The following DPP10 variants were observed in gnomAD, a reference collection of about 807,000 sequenced individuals.
The protein encoded by DPP10 is inactive dipeptidyl peptidase 10.
In DPP10, 33 loss-of-function variants were observed where a neutral mutation model predicts 120.9. That is an observed-to-expected ratio of 0.27 (90% CI 0.21 to 0.37). The LOEUF is 0.37. DPP10 is among the 10% of genes least tolerant of loss of function. The pLI is 1.00. For missense variants in DPP10, 816 were observed against 942.8 expected, an observed-to-expected ratio of 0.87 and a Z score of 1.76; for synonymous variants, 337 against 326.1, an observed-to-expected ratio of 1.03 and a Z score of -0.36.
At chr2:115,103,678 A>G (rs2048810771) in intron 1 of DPP10, among the ~76,000 whole-genome samples, 1 of 152,240 alleles carries the variant, frequency 6.6e-6, no homozygotes, top group African/African-American at 2.4e-5. Context: ...GTTACTCTTA[A>G]CTGCAAAAGA....
At chr2:114,938,246 A>C (rs186052878) in intron 1 of DPP10, among the ~76,000 whole-genome samples, 29 of 152,264 alleles carry the variant, frequency 1.9e-4, no homozygotes, top group African/African-American at 7.0e-4. Context: ...TATGTATTTT[A>C]CATGTTACTT....
intron 1 of DPP10, among the ~76,000 whole-genome samples, chr2:114,727,876 C>T (rs948514063): frequency 1.3e-5 from 2 of 152,160 alleles, no homozygotes; most frequent in Non-Finnish European, 2.9e-5. Context: ...TATTATCTGT[C>T]TATCACTGCG....
intron 2 of DPP10, among the ~76,000 whole-genome samples, chr2:115,337,101 T>C (rs189462210): frequency 4.7e-4 from 71 of 151,744 alleles, no homozygotes; most frequent in Middle Eastern, 6.8e-3. Context: ...GAGGGTAAGC[T>C]TGGAATTTAA....
chr2:114,693,032 G>C (rs540581795), intron 1 of DPP10, among the ~76,000 whole-genome samples: 1 of 151,838 alleles, frequency 6.6e-6, no homozygotes, highest in South Asian at 2.1e-4. Context: ...CATTTATCCA[G>C]CTTGCCTTTC....
intron 5 of DPP10, among the ~76,000 whole-genome samples, chr2:115,666,130 GA>G (rs2089435886): frequency 6.6e-6 from 1 of 152,086 alleles, no homozygotes; most frequent in Non-Finnish European, 1.5e-5. Flanking sequence ...TCATAAGTGA[GA>G]ACATCCAGTA....
intron 1 of DPP10, among the ~76,000 whole-genome samples, chr2:115,210,607 A>G (rs1405256474): frequency 6.6e-6 from 1 of 152,142 alleles, no homozygotes; most frequent in Non-Finnish European, 1.5e-5. Flanking sequence ...GTCTTCCACA[A>G]TGGTTGAACT....
At chr2:114,824,020 A>G (rs1291758748) in intron 1 of DPP10, among the ~76,000 whole-genome samples, 1 of 152,230 alleles carries the variant, frequency 6.6e-6, no homozygotes, top group Non-Finnish European at 1.5e-5. Context: ...TTGAAGATAA[A>G]GTCACATCTC....
intron 2 of DPP10, among the ~76,000 whole-genome samples, chr2:115,309,788 T>C (rs1489481178): frequency 6.6e-6 from 1 of 152,100 alleles, no homozygotes; most frequent in African/African-American, 2.4e-5. Context: ...AAGAGAGTGA[T>C]CTAAGCCTCT....
At chr2:115,144,127 T>C (rs1054560347) in intron 1 of DPP10, 3 of 152,220 alleles carry the variant, frequency 2.0e-5, no homozygotes, top group South Asian at 2.1e-4. Context: ...CTCACTCACT[T>C]ACTTGCAAGG....
intron 1 of DPP10, among the ~76,000 whole-genome samples, chr2:114,923,963 G>C (rs1202366327): frequency 6.6e-6 from 1 of 152,072 alleles, no homozygotes; most frequent in Non-Finnish European, 1.5e-5. Flanking sequence ...GACTCAAGCA[G>C]TCCTCCTCCC....
chr2:114,644,382 T>C lies in DPP10; in HGVS notation c.60+201544T>C, dbSNP rs1462159051. 2.0e-5 allele frequency among the ~76,000 whole-genome samples: 3 copies of C among 151,576 alleles called. No homozygotes were observed. The East Asian group carries it at 5.8e-4, about 29-fold the overall frequency. ...TGTGTGTGTCTGTGTGTGTGTGTAT[T>C]ATATATACAACTAGTAGGAAACCCC... On this transcript the variant is annotated intron_variant, in intron 1 of 25. Transcript: ENST00000410059.
intron 1 of DPP10, among the ~76,000 whole-genome samples, chr2:114,893,283 G>T (rs966539434): frequency 2.0e-5 from 3 of 152,218 alleles, no homozygotes; most frequent in African/African-American, 7.2e-5. Flanking sequence ...TCTATTATGA[G>T]TTAAATACTA....
At chr2:114,804,503 C>A (rs1469404055) in intron 1 of DPP10, among the ~76,000 whole-genome samples, 1 of 152,148 alleles carries the variant, frequency 6.6e-6, no homozygotes, top group Non-Finnish European at 1.5e-5. Flanking sequence ...GCAGGCAAAG[C>A]CACAGGGGTG....
At chr2:115,094,633 A>G (rs1709564735) in intron 1 of DPP10, among the ~76,000 whole-genome samples, 1 of 152,176 alleles carries the variant, frequency 6.6e-6, no homozygotes, top group African/African-American at 2.4e-5. Context: ...CAGTAGCTCC[A>G]TGAGTATTTA....
At chr2:114,861,453 T>C (rs1015448767) in intron 1 of DPP10, among the ~76,000 whole-genome samples, 1 of 152,186 alleles carries the variant, frequency 6.6e-6, no homozygotes, top group Non-Finnish European at 1.5e-5. Flanking sequence ...AAGTACCATA[T>C]ATTTTCTAAA....
intron 1 of DPP10, among the ~76,000 whole-genome samples, chr2:114,460,193 CTATCTATCTATCT>C (rs1678812972): frequency 6.6e-6 from 1 of 151,748 alleles, no homozygotes; most frequent in South Asian, 2.1e-4. Flanking sequence ...ATCTATCTAT[CTATCTATCTATCT>C]ATCTATCTAT....
rs993317595 is a variant in DPP10 at position 115,091,987 on chromosome 2, C to T, written c.61-217252C>T. 3.3e-5 allele frequency among the ~76,000 whole-genome samples: 5 copies of T among 152,264 alleles called. No individual in the cohort carries two copies. The South Asian group carries it at 6.2e-4, about 19-fold the overall frequency. The stretch of plus-strand genomic sequence containing the variant: ...ATACTATTACTACTAATAACCATTG[C>T]GGCCTACTGAGTGCACACACCGTGC... On this transcript the variant is annotated intron_variant, in intron 1 of 25. Transcript: ENST00000410059.
chr2:114,810,753 A>G (rs115469074), intron 1 of DPP10, among the ~76,000 whole-genome samples: 29 of 152,238 alleles, frequency 1.9e-4, no homozygotes, highest in Non-Finnish European at 3.4e-4. Flanking sequence ...AAGTGCCTGG[A>G]TAATGATGTA....
intron 1 of DPP10, among the ~76,000 whole-genome samples, chr2:114,838,132 T>A (rs982090229): frequency 1.3e-5 from 2 of 152,094 alleles, no homozygotes; most frequent in Non-Finnish European, 2.9e-5. Context: ...AAGGGCCAGA[T>A]TGGTCTGTGG....
Sources: allele counts gnomAD v4.1 joint callset (sites outside exome capture counted in the v4.1 genomes callset), GRCh38; gene constraint gnomAD v4.1.1; transcripts MANE v1.5; gene names NCBI Gene and HGNC (gene_info 2026-07-23, HGNC 2026-07-21).